Variants in NXPE4 observed in about 807,000 individuals in gnomAD.
NXPE4 encodes the protein neurexophilin and PC-esterase domain family member 4, also known as NXPE family member 4.
NXPE4 carries 42 observed loss-of-function variants against 33.3 expected under a neutral mutation model. The ratio of observed to expected loss-of-function variants is 1.26; its 90% CI spans 0.98 to 1.63. The LOEUF is 1.63. NXPE4 is among the 40% of genes most tolerant of loss of function. The pLI is 0.00. For synonymous variants in NXPE4, 253 were observed against 234.9 expected (o/e 1.08, Z -0.71); for missense variants, 709 against 647.6 (o/e 1.09, Z -1.03).
chr11:114,640,093 A>G, the NXPE4 span, among the ~76,000 whole-genome samples: 22 of 124,012 alleles, frequency 1.8e-4, no homozygotes, highest in African/African-American at 5.4e-4. Flanking sequence ...AATGTAATAT[A>G]ATATATGATT....
intron 5 of NXPE4, among the ~76,000 whole-genome samples, chr11:114,577,345 G>T (rs562927057): frequency 6.6e-6 from 1 of 151,844 alleles, no homozygotes; most frequent in African/African-American, 2.4e-5. Flanking sequence ...TGGGAACTAA[G>T]CTATGAGGAC....
At chr11:114,664,790 G>T in the NXPE4 span, among the ~76,000 whole-genome samples, 1 of 152,066 alleles carries the variant, frequency 6.6e-6, no homozygotes, top group Non-Finnish European at 1.5e-5. Flanking sequence ...CTCTTGGGAG[G>T]CAGGGCAGCG....
chr11:114,670,425 TG>T, the NXPE4 span, among the ~76,000 whole-genome samples: 1 of 152,058 alleles, frequency 6.6e-6, no homozygotes, highest in East Asian at 1.9e-4. Flanking sequence ...CCAAGCGCAG[TG>T]GCTCACCTCT....
chr11:114,631,643 T>G, the NXPE4 span, among the ~76,000 whole-genome samples: 1 of 152,104 alleles, frequency 6.6e-6, no homozygotes, highest in East Asian at 1.9e-4. Context: ...CTGCACATTG[T>G]GCACAGGTAC....
chr11:114,605,609 C>A, the NXPE4 span, among the ~76,000 whole-genome samples: 3 of 150,040 alleles, frequency 2.0e-5, no homozygotes, highest in African/African-American at 4.9e-5. Flanking sequence ...CACTGTTACC[C>A]GGTGGATAAT....
the NXPE4 span, among the ~76,000 whole-genome samples, chr11:114,625,695 C>A: frequency 6.6e-6 from 1 of 152,126 alleles, no homozygotes; most frequent in African/African-American, 2.4e-5. Flanking sequence ...GTAGGAACAG[C>A]CCCGGTCTAC....
the NXPE4 span, among the ~76,000 whole-genome samples, chr11:114,608,451 T>C: frequency 6.6e-6 from 1 of 150,792 alleles, no homozygotes; most frequent in African/African-American, 2.4e-5. Flanking sequence ...GCACTGTTAC[T>C]CAGAGGATAG....
chr11:114,602,938 A>G, the NXPE4 span, among the ~76,000 whole-genome samples: 7 of 149,720 alleles, frequency 4.7e-5, no homozygotes, highest in Non-Finnish European at 1.0e-4. Flanking sequence ...ATATAATTAC[A>G]GAATCATAAT....
Position 114,594,593 on chromosome 11 carries a change from C to G in NXPE4, c.96+71G>C, listed in dbSNP as rs911191476. On this transcript the variant is annotated intron_variant, in intron 2 of 5. Coordinates refer to ENST00000375478, the MANE Select transcript of NXPE4 (RefSeq NM_001077639.2). The stretch of plus-strand genomic sequence containing the variant: ...TAATCTACAAGTCTTGTAGTTTAGC[C>G]TTTCCTAGAACAGATGAGGTAATAA... 8 of 975,464 alleles carry G rather than the reference C, an allele frequency of 8.2e-6. No individual in the cohort carries two copies. In the African/African-American group the frequency reaches 1.1e-4, roughly 14 times the overall value. The allele number at this position is 975,464 out of a possible 1,614,324, so 60.4% of individuals were successfully genotyped here.
the NXPE4 span, among the ~76,000 whole-genome samples, chr11:114,636,013 T>C: frequency 1.3e-5 from 2 of 152,032 alleles, no homozygotes; most frequent in Non-Finnish European, 2.9e-5. Context: ...TCTTTTTCTA[T>C]TGATTGGAAT....
chr11:114,614,685 C>T, the NXPE4 span, among the ~76,000 whole-genome samples: 8 of 152,040 alleles, frequency 5.3e-5, no homozygotes, highest in South Asian at 4.2e-4. Context: ...AGTGTTGCCT[C>T]GTGGGTAACC....
At chr11:114,648,062 C>T in the NXPE4 span, among the ~76,000 whole-genome samples, 1 of 152,048 alleles carries the variant, frequency 6.6e-6, no homozygotes, top group Admixed American at 6.6e-5. Context: ...GTATATAAGA[C>T]ATATATTGAG....
chr11:114,572,454 A>C (rs1400733001), intron 5 of NXPE4, among the ~76,000 whole-genome samples: 1 of 152,188 alleles, frequency 6.6e-6, no homozygotes, highest in Non-Finnish European at 1.5e-5. Context: ...AGTCCAACTT[A>C]AATTAAAAAC....
At chr11:114,626,795 T>A in the NXPE4 span, among the ~76,000 whole-genome samples, 9 of 151,908 alleles carry the variant, frequency 5.9e-5, no homozygotes, top group African/African-American at 1.7e-4. Flanking sequence ...AATGTATAAC[T>A]AGAATAACCA....
the NXPE4 span, among the ~76,000 whole-genome samples, chr11:114,642,467 CCT>C: frequency 6.6e-6 from 1 of 152,044 alleles, no homozygotes; most frequent in Non-Finnish European, 1.5e-5. Context: ...TTTTCCCCTC[CCT>C]GTGTCCATGT....
chr11:114,620,070 TATA>T, the NXPE4 span, among the ~76,000 whole-genome samples: 2 of 134,366 alleles, frequency 1.5e-5, no homozygotes, highest in Admixed American at 7.2e-5. Context: ...TTACCTGGTG[TATA>T]ATAAGTGTTG....
At chr11:114,617,652 C>A in the NXPE4 span, among the ~76,000 whole-genome samples, 1 of 152,076 alleles carries the variant, frequency 6.6e-6, no homozygotes. Flanking sequence ...ATAAGTGTTG[C>A]CTCTAGGGTA....
intron 2 of NXPE4, chr11:114,583,738 A>C (rs543406749): frequency 8.4e-5 from 44 of 520,896 alleles, no homozygotes; most frequent in African/African-American, 6.9e-4. Context: ...CCACCTTGGA[A>C]CTGCTAAAGT....
chr11:114,580,974 A>G (rs183498993), intron 4 of NXPE4, among the ~76,000 whole-genome samples: 1 of 152,336 alleles, frequency 6.6e-6, no homozygotes, highest in African/African-American at 2.4e-5. Context: ...TAATCAACTG[A>G]GAGAAGTAGT....
Sources: gnomAD v4.1 joint callset for allele counts (sites outside exome capture counted in the v4.1 genomes callset) on GRCh38, gnomAD v4.1.1 for gene constraint, MANE v1.5 for transcripts, NCBI Gene and HGNC (gene_info 2026-07-23, HGNC 2026-07-21) for gene names.